Variants in SIPA1L1 observed in about 807,000 individuals in gnomAD.
The protein encoded by SIPA1L1 is signal-induced proliferation-associated 1-like protein 1.
SIPA1L1 carries 26 observed loss-of-function variants against 162.7 expected under a neutral mutation model. The ratio of observed to expected loss-of-function variants is 0.16; its 90% CI spans 0.12 to 0.22. The LOEUF (loss-of-function observed/expected upper bound fraction) is 0.22. SIPA1L1 is among the 10% of genes least tolerant of loss of function. The pLI is 1.00. For synonymous variants in SIPA1L1, 829 were observed against 837.4 expected (o/e 0.99, Z 0.17); for missense variants, 1,874 against 2,241.0 (o/e 0.84, Z 3.31).
At chr14:71,602,938 G>A (rs1053089593) in intron 5 of SIPA1L1, among the ~76,000 whole-genome samples, 1 of 152,148 alleles carries the variant, frequency 6.6e-6, no homozygotes, top group Non-Finnish European at 1.5e-5. Flanking sequence ...ACCTGTTCCT[G>A]GTGCCAAAAA....
chr14:71,328,582 A>G (rs1393715606), intron 2 of SIPA1L1, among the ~76,000 whole-genome samples: 2 of 152,218 alleles, frequency 1.3e-5, no homozygotes, highest in Non-Finnish European at 2.9e-5. Flanking sequence ...TGAGGATTGT[A>G]GAAACTTCAT....
chr14:71,697,743 T>G (rs1027492758), intron 13 of SIPA1L1, among the ~76,000 whole-genome samples: 37 of 152,322 alleles, frequency 2.4e-4, no homozygotes, highest in African/African-American at 7.7e-4. Flanking sequence ...TAGCAAAGCT[T>G]CTCAGCTTCC....
chr14:71,413,998 CT>C (rs1273900983), intron 2 of SIPA1L1: 11 of 152,164 alleles, frequency 7.2e-5, no homozygotes, highest in African/African-American at 2.2e-4. Flanking sequence ...ATACTACTAA[CT>C]TTGAAATGGA....
chr14:71,417,484 AAAAAAAAAAAAAAAAAAAAG>A (rs2140460134), intron 2 of SIPA1L1, among the ~76,000 whole-genome samples: 1 of 140,380 alleles, frequency 7.1e-6, no homozygotes, highest in South Asian at 2.2e-4. Flanking sequence ...AAAAAAAAAA[AAAAAAAAAAAAAAAAAAAAG>A]AAAATCCTAA....
intron 4 of SIPA1L1, among the ~76,000 whole-genome samples, chr14:71,537,696 CTCTT>C (rs767535507): frequency 2.0e-5 from 3 of 151,398 alleles, no homozygotes; most frequent in Non-Finnish European, 4.4e-5. Context: ...TTCTCTCTCT[CTCTT>C]TTTTTTTTTC....
At chr14:71,628,205 A>C (rs1409466791) in intron 7 of SIPA1L1, among the ~76,000 whole-genome samples, 3 of 152,232 alleles carry the variant, frequency 2.0e-5, no homozygotes, top group Admixed American at 2.0e-4. Context: ...ATAATGTAGA[A>C]AATTCAGATA....
chr14:71,445,010 A>G (rs76084488), intron 2 of SIPA1L1, among the ~76,000 whole-genome samples: 5,881 of 152,322 alleles, frequency 0.039, 195 homozygotes, highest in African/African-American at 0.075. Flanking sequence ...AAAAGCTAAC[A>G]GATACCACAT....
At position 71,699,084 on chromosome 14, in the gene SIPA1L1, G is replaced by A. The variant is rs2081884848; in HGVS notation, c.3478G>A (p.Gly1160Ser). Residue 1160 changes from glycine (G) to serine (S), a missense_variant, in exon 14 of 24, where the codon GGT becomes AGT. By Grantham distance (56) the Gly-to-Ser change is moderately conservative (BLOSUM62 0). Coordinates refer to ENST00000381232, the MANE Select transcript of SIPA1L1 (RefSeq NM_001386936.1). ...CAACTTGTCTTCATCCAGTGATACT[G>A]GTTCTGTGGGGGGCACTTACAGGCA... Reference protein sequence around the residue: ...PSNLSSSSDTGSVGGTYRQKS... With the variant: ...PSNLSSSSDTSSVGGTYRQKS... 1 of 1,614,162 alleles carries A rather than the reference G, an allele frequency of 6.2e-7. No homozygotes were observed. The highest frequency in any genetic ancestry group is 1.7e-5 in the Admixed American group (1 of 60,024).
chr14:71,685,642 C>T lies in SIPA1L1; in HGVS notation c.3374+11C>T, dbSNP rs963084235. The T allele has an allele frequency of 1.2e-5, 19 of 1,613,242 alleles. No homozygotes were observed. Among genetic ancestry groups the T allele is most frequent in the African/African-American group, 2.7e-5 (2 of 74,858 alleles). Reference sequence around the variant, plus strand: ...CCCACTAGAGAGGCGGTAAGTGTGCCTTCAAAGGTTTGCTCTATCTCTCTC... The same window carrying T: ...CCCACTAGAGAGGCGGTAAGTGTGCTTTCAAAGGTTTGCTCTATCTCTCTC... On this transcript the variant is annotated intron_variant, in intron 13 of 23. Coordinates refer to ENST00000381232, the MANE Select transcript of SIPA1L1 (RefSeq NM_001386936.1).
At chr14:71,371,611 G>T (rs1412316948) in intron 2 of SIPA1L1, among the ~76,000 whole-genome samples, 1 of 151,986 alleles carries the variant, frequency 6.6e-6, no homozygotes, top group African/African-American at 2.4e-5. Context: ...TGTTGTCCAG[G>T]CTGGTCTTCA....
intron 2 of SIPA1L1, among the ~76,000 whole-genome samples, chr14:71,407,833 C>T (rs561108710): frequency 6.6e-6 from 1 of 152,264 alleles, no homozygotes; most frequent in African/African-American, 2.4e-5. Context: ...GACAGGTTGA[C>T]AGCAGGGGGA....
chr14:71,543,149 C>A (rs745436553), intron 4 of SIPA1L1, among the ~76,000 whole-genome samples: 1 of 152,194 alleles, frequency 6.6e-6, no homozygotes, highest in Non-Finnish European at 1.5e-5. Context: ...TCCATTCTCT[C>A]TCTTCTTGCT....
chr14:71,335,083 G>A (rs554026850), intron 2 of SIPA1L1, among the ~76,000 whole-genome samples: 6 of 152,214 alleles, frequency 3.9e-5, no homozygotes, highest in Admixed American at 2.6e-4. Context: ...GGCGGATCAC[G>A]AGCTCAGGAG....
At chr14:71,488,892 C>T (rs1567094771) in intron 2 of SIPA1L1, among the ~76,000 whole-genome samples, 1 of 152,090 alleles carries the variant, frequency 6.6e-6, no homozygotes, top group Non-Finnish European at 1.5e-5. Flanking sequence ...ATTGGTTTTC[C>T]CAAACCATCT....
intron 13 of SIPA1L1, 88 bp from the exon 14 acceptor site, chr14:71,698,893 T>C: frequency 7.1e-7 from 1 of 1,405,402 alleles, no homozygotes; most frequent in South Asian, 1.2e-5. Flanking sequence ...ACTGTTTTTG[T>C]CACATTTATA....
rs182677905 is a variant in SIPA1L1 at position 71,597,424 on chromosome 14, C to T, written c.1498+8054C>T. Among the ~76,000 whole-genome samples, 10 of 151,710 alleles carry T rather than the reference C, an allele frequency of 6.6e-5. No individual in the cohort carries two copies. In the East Asian group the frequency reaches 1.9e-3, roughly 29 times the overall value. ...TGTATATTTTACTTTTCTTATTTTTCTTGTTTTTTCTTCTTCATGCTGTTA... is the reference window on the plus strand; with the variant it reads ...TGTATATTTTACTTTTCTTATTTTTTTTGTTTTTTCTTCTTCATGCTGTTA... On this transcript the variant is annotated intron_variant, in intron 5 of 23. Coordinates refer to ENST00000381232, the MANE Select transcript of SIPA1L1 (RefSeq NM_001386936.1).
At chr14:71,505,379 T>C (rs1175248605) in intron 2 of SIPA1L1, among the ~76,000 whole-genome samples, 1 of 151,904 alleles carries the variant, frequency 6.6e-6, no homozygotes, top group Non-Finnish European at 1.5e-5. Flanking sequence ...AACTTACCGT[T>C]ACTGCTGTCT....
intron 2 of SIPA1L1, among the ~76,000 whole-genome samples, chr14:71,481,860 AACTC>A (rs1264335122): frequency 6.6e-6 from 1 of 152,238 alleles, no homozygotes; most frequent in East Asian, 1.9e-4. Flanking sequence ...AATTAAGAAT[AACTC>A]ACATGGCATT....
At chr14:71,580,773 G>A (rs1021602389) in intron 4 of SIPA1L1, among the ~76,000 whole-genome samples, 6 of 152,000 alleles carry the variant, frequency 3.9e-5, no homozygotes, top group African/African-American at 1.4e-4. Flanking sequence ...TCATCATACT[G>A]CATTCCCAGA....
Sources: gnomAD v4.1 joint callset for allele counts (sites outside exome capture counted in the v4.1 genomes callset) on GRCh38, gnomAD v4.1.1 for gene constraint, MANE v1.5 for transcripts, NCBI Gene and HGNC (gene_info 2026-07-23, HGNC 2026-07-21) for gene names.